BTC: variants seen among roughly 807,000 people sequenced by gnomAD.
BTC encodes probetacellulin.
BTC carries 13 observed loss-of-function variants against 18.1 expected under a neutral mutation model. That is an observed-to-expected ratio of 0.72 (90% CI 0.47 to 1.14). The LOEUF is 1.14. BTC is among the 50% of genes most tolerant of loss of function. The pLI is 0.00. For synonymous variants in BTC, 83 were observed against 79.4 expected (o/e 1.05, Z -0.24); for missense variants, 247 against 224.2 (o/e 1.10, Z -0.65).
chr4:74,772,173 T>C (rs1379498629), intron 1 of BTC, among the ~76,000 whole-genome samples: 1 of 152,244 alleles, frequency 6.6e-6, no homozygotes, highest in East Asian at 1.9e-4. Flanking sequence ...CACAATTTCC[T>C]TAAGTCAACA....
chr4:74,792,008 A>ACACACACAC (rs1560728322), intron 1 of BTC, among the ~76,000 whole-genome samples: 33 of 105,362 alleles, frequency 3.1e-4, no homozygotes, highest in South Asian at 6.1e-4. Flanking sequence ...CACACACACA[A>ACACACACAC]ACACTAGTGT....
intron 2 of BTC, among the ~76,000 whole-genome samples, chr4:74,760,835 C>T (rs892419277): frequency 4.6e-5 from 7 of 151,728 alleles, no homozygotes; most frequent in African/African-American, 9.7e-5. Context: ...CCCGGGTTCA[C>T]GCCATTCTCC....
chr4:74,784,212 A>G (rs1379919383), intron 1 of BTC, among the ~76,000 whole-genome samples: 1 of 149,886 alleles, frequency 6.7e-6, no homozygotes. Context: ...AGGCTGGTTG[A>G]CAGAGAGAGA....
chr4:74,753,076 T>C (rs1724506924), intron 3 of BTC, among the ~76,000 whole-genome samples: 2 of 152,230 alleles, frequency 1.3e-5, no homozygotes, highest in Admixed American at 1.3e-4. Flanking sequence ...TCAGTGAGTG[T>C]ATCTCTCATG....
At chr4:74,773,616 C>CTT (rs34447690) in intron 1 of BTC, among the ~76,000 whole-genome samples, 33 of 145,786 alleles carry the variant, frequency 2.3e-4, no homozygotes, top group South Asian at 4.4e-4. Flanking sequence ...TAGACACAAA[C>CTT]TTTTTTTTTT....
chr4:74,757,687 A>C (rs1455398622), intron 2 of BTC, among the ~76,000 whole-genome samples: 1 of 152,242 alleles, frequency 6.6e-6, no homozygotes, highest in Non-Finnish European at 1.5e-5. Flanking sequence ...TAAACAATTA[A>C]CCGGTAAAAA....
At chr4:74,765,539 A>G (rs1434121552) in intron 2 of BTC, among the ~76,000 whole-genome samples, 1 of 152,202 alleles carries the variant, frequency 6.6e-6, no homozygotes, top group African/African-American at 2.4e-5. Context: ...GTAGTCCAAG[A>G]GGGAAAATAG....
In BTC at chr4:74,787,366, T is replaced by C. The variant is rs567875395; in HGVS notation, c.64+6896A>G. ...AGCATTTCATGGTTATTTGACCTTGTTTAATTGATGTGAATTAAGATTAAA... is the reference window on the plus strand; with the variant it reads ...AGCATTTCATGGTTATTTGACCTTGCTTAATTGATGTGAATTAAGATTAAA... On this transcript the variant is annotated intron_variant, in intron 1 of 5. Transcript: ENST00000395743. Among the ~76,000 whole-genome samples, 5 of 152,336 alleles carry C rather than the reference T, an allele frequency of 3.3e-5. No homozygotes were observed. In the East Asian group the frequency reaches 7.7e-4, roughly 23 times the overall value.
At chr4:74,781,586 T>A (rs1725333659) in intron 1 of BTC, among the ~76,000 whole-genome samples, 1 of 152,200 alleles carries the variant, frequency 6.6e-6, no homozygotes, top group South Asian at 2.1e-4. Context: ...TCCACCCCCA[T>A]TGTTGGCTTC....
intron 4 of BTC, among the ~76,000 whole-genome samples, chr4:74,749,361 A>G (rs1553955833): frequency 6.6e-6 from 1 of 151,994 alleles, no homozygotes; most frequent in East Asian, 1.9e-4. Context: ...CAGGAAGCTG[A>G]GGTAGGAGAA....
chr4:74,749,147 T>C (rs1724377223), intron 4 of BTC, among the ~76,000 whole-genome samples: 1 of 151,970 alleles, frequency 6.6e-6, no homozygotes, highest in African/African-American at 2.4e-5. Context: ...TCAAGTACTC[T>C]GGCCGGGCGC....
chr4:74,748,363 C>T (rs1308672941), intron 4 of BTC, among the ~76,000 whole-genome samples: 2 of 152,028 alleles, frequency 1.3e-5, no homozygotes, highest in African/African-American at 2.4e-5. Context: ...GCTGAAACCC[C>T]GTCTCTACTA....
intron 2 of BTC, among the ~76,000 whole-genome samples, chr4:74,765,500 A>G (rs1305062420): frequency 2.0e-5 from 3 of 152,164 alleles, no homozygotes; most frequent in African/African-American, 7.2e-5. Flanking sequence ...GAAACACCAT[A>G]ACACAGGCAG....
At chr4:74,760,724 T>A (rs1280847041) in intron 2 of BTC, among the ~76,000 whole-genome samples, 2 of 146,834 alleles carry the variant, frequency 1.4e-5, no homozygotes, top group East Asian at 4.1e-4. Flanking sequence ...TATGGACAGA[T>A]TAGCATGTCA....
At chr4:74,756,312 GAA>G (rs1553956705) in intron 2 of BTC, among the ~76,000 whole-genome samples, 1 of 152,166 alleles carries the variant, frequency 6.6e-6, no homozygotes, top group Non-Finnish European at 1.5e-5. Flanking sequence ...CCACACTAGA[GAA>G]GAGAGGTTTT....
At chr4:74,781,298 C>T (rs1012701975) in intron 1 of BTC, among the ~76,000 whole-genome samples, 12 of 151,894 alleles carry the variant, frequency 7.9e-5, no homozygotes, top group Admixed American at 2.0e-4. Context: ...TTGGTTGAAA[C>T]GACTTTTCAC....
At chr4:74,772,001 A>G (rs764890786) in intron 1 of BTC, among the ~76,000 whole-genome samples, 13 of 152,230 alleles carry the variant, frequency 8.5e-5, no homozygotes, top group Non-Finnish European at 1.6e-4. Context: ...ACATGAATAG[A>G]ACATCTTGTG....
chr4:74,783,561 T>A (rs114810099), intron 1 of BTC, among the ~76,000 whole-genome samples: 25,706 of 149,308 alleles, frequency 0.17, 3,737 homozygotes, highest in African/African-American at 0.4. Context: ...ACTTTTTGTT[T>A]GGGAATGTGC....
chr4:74,767,056 C>T (rs532784556), intron 2 of BTC, among the ~76,000 whole-genome samples: 2 of 151,858 alleles, frequency 1.3e-5, no homozygotes, highest in African/African-American at 2.4e-5. Context: ...CAACATAGCG[C>T]AGGAAGTCCT....
Sources: gnomAD v4.1 joint callset for allele counts (sites outside exome capture counted in the v4.1 genomes callset) on GRCh38, gnomAD v4.1.1 for gene constraint, MANE v1.5 for transcripts, NCBI Gene and HGNC (gene_info 2026-07-23, HGNC 2026-07-21) for gene names.